CFAP46: variants seen among roughly 807,000 people sequenced by gnomAD.
CFAP46 encodes the protein cilia and flagella associated protein 46.
Under a neutral mutation model 325.7 loss-of-function variants are expected in CFAP46, and 245 were observed. That is an observed-to-expected ratio of 0.75 (90% CI 0.68 to 0.84). The LOEUF (loss-of-function observed/expected upper bound fraction) is 0.84. CFAP46 is among the 40% of genes least tolerant of loss of function. The pLI is 0.00. For synonymous variants in CFAP46, 1,523 were observed against 1,495.9 expected, an observed-to-expected ratio of 1.02 and a Z score of -0.42; for missense variants, 3,346 against 3,543.0, an observed-to-expected ratio of 0.94 and a Z score of 1.41.
At chr10:132,824,439 TGTGCTG>T (rs1847986669) in intron 50 of CFAP46, among the ~76,000 whole-genome samples, 1 of 122,210 alleles carries the variant, frequency 8.2e-6, no homozygotes. Context: ...ATGTGTGCTG[TGTGCTG>T]ATGTGTGCTG....
chr10:132,929,861 T>A, intron 8 of CFAP46, 57 bp from the exon 9 acceptor site: 1 of 1,287,464 alleles, frequency 7.8e-7, no homozygotes, highest in South Asian at 1.3e-5. Flanking sequence ...GAAACATGGC[T>A]GCAGGCGAGA....
intron 50 of CFAP46, among the ~76,000 whole-genome samples, chr10:132,823,912 CTGA>C (rs1160790966): frequency 4.1e-5 from 5 of 123,034 alleles, no homozygotes; most frequent in East Asian, 5.5e-4. Context: ...TGTGTGAGCG[CTGA>C]TGTGTGTGTG....
chr10:132,942,425 C>T lies in CFAP46; in HGVS notation c.49+11G>A, dbSNP rs1447016687. Reference sequence around the variant, plus strand: ...TCCCCGGGGCGGGGGTCGTGGCGGGCCTGGGGTCACCTTGCTGGCTCTCGG... The same window carrying T: ...TCCCCGGGGCGGGGGTCGTGGCGGGTCTGGGGTCACCTTGCTGGCTCTCGG... On this transcript the variant is annotated intron_variant, in intron 1 of 57. Coordinates refer to ENST00000368586, the MANE Select transcript of CFAP46 (RefSeq NM_001200049.3). 2.6e-6 allele frequency: 3 copies of T among 1,164,152 alleles called. No homozygotes were observed. Among genetic ancestry groups the T allele is most frequent in the Admixed American group, 6.7e-5 (1 of 15,036 alleles). 72.1% of individuals were successfully genotyped at this position (1,164,152 alleles called of 1,614,324 possible).
rs1252730842 is a variant in CFAP46 at position 132,843,798 on chromosome 10, GGT to G, written c.6438+2257_6438+2258del. 6.8e-3 allele frequency among the ~76,000 whole-genome samples: 647 copies of G among 95,076 alleles called. 11 individuals are homozygous for G. The highest frequency in any genetic ancestry group is 8.6e-3 in the Non-Finnish European group (379 of 43,986). 62.4% of individuals were successfully genotyped at this position (95,076 alleles called of 152,430 possible). A position where few individuals can be genotyped will look rare whatever the true frequency, so the allele number is the denominator to read the frequency against. Reference sequence around the variant, plus strand: ...TGTTCCCAGGGTGCTGTGGGGCTCTGGTCTCGGTGGGTGTTCCCAGGGTGCTG... The same window carrying G: ...TGTTCCCAGGGTGCTGTGGGGCTCTGCTCGGTGGGTGTTCCCAGGGTGCTG... On this transcript the variant is annotated intron_variant, in intron 44 of 57. Transcript: ENST00000368586.
At chr10:132,925,123 C>A (rs1849790719) in intron 10 of CFAP46, among the ~76,000 whole-genome samples, 1 of 152,358 alleles carries the variant, frequency 6.6e-6, no homozygotes, top group East Asian at 1.9e-4. Context: ...GTGGCTGCGC[C>A]CGCCTCCCCC....
chr10:132,899,402 G>A (rs373113823), intron 23 of CFAP46, 133 bp downstream of exon 23: 41 of 1,293,874 alleles, frequency 3.2e-5, no homozygotes, highest in Middle Eastern at 2.7e-4. Context: ...TGAACTGGCC[G>A]CACCGGCCAC....
chr10:132,818,783 G>A (rs1211266478), intron 50 of CFAP46, among the ~76,000 whole-genome samples: 1 of 151,616 alleles, frequency 6.6e-6, no homozygotes, highest in Non-Finnish European at 1.5e-5. Flanking sequence ...AACCTGGGAG[G>A]CTCAAGGTTG....
intron 43 of CFAP46, 35 bp from the exon 44 acceptor site, chr10:132,846,262 G>A (rs12260141): frequency 4.4e-6 from 7 of 1,601,272 alleles, no homozygotes; most frequent in East Asian, 2.2e-5. Context: ...CCAGGGGCCC[G>A]AGGCCTGGGC....
chr10:132,847,107 C>A lies in CFAP46; in HGVS notation c.6092G>T (p.Arg2031Met), dbSNP rs1378332220. 1 of 1,610,422 alleles carries A rather than the reference C, an allele frequency of 6.2e-7. No homozygotes were observed. The highest frequency in any genetic ancestry group is 8.5e-7 in the Non-Finnish European group (1 of 1,178,892). The change falls in exon 43 of 58, where the codon AGG (arginine) becomes ATG (methionine). Residue 2031 changes from arginine to methionine, a missense_variant. Arg to Met is a moderately conservative substitution (Grantham distance 91). Coordinates refer to ENST00000368586, the MANE Select transcript of CFAP46 (RefSeq NM_001200049.3). This position sits in a 1 kb window ranked among gnomAD's most constrained non-coding sequence, Gnocchi z 5.2. ...HCRRGEDLKRRMVLAQQYLAQ... is the reference protein window; with the variant it reads ...HCRRGEDLKRMMVLAQQYLAQ... ...CAGGTACTGCTGGGCCAGAACCATC[C>A]TCCTCTGTGGGGCACAAGGCTCAGG...
chr10:132,824,683 G>GTT (rs1847997550), intron 50 of CFAP46, among the ~76,000 whole-genome samples: 1 of 105,546 alleles, frequency 9.5e-6, no homozygotes, highest in Non-Finnish European at 1.9e-5. Context: ...GTGTGCTGAT[G>GTT]TGTGCTGTGT....
Position 132,828,090 on chromosome 10 carries a change from G to A in CFAP46, c.7117+5268C>T, listed in dbSNP as rs1330574877. On this transcript the variant is annotated intron_variant, in intron 50 of 57. Coordinates refer to ENST00000368586, the MANE Select transcript of CFAP46 (RefSeq NM_001200049.3). The surrounding 1 kb of genome is among the most constrained non-coding windows in gnomAD (Gnocchi z 4.9). ...CCAATGTGCTCATCGCCCACTGGGT[G>A]TCCAGGTGTCCGTCCTGTGGGTGAT... Among the ~76,000 whole-genome samples the A allele has an allele frequency of 6.6e-6, 1 of 152,244 alleles. No individual in the cohort carries two copies. Among genetic ancestry groups the A allele is most frequent in the Non-Finnish European group, 1.5e-5 (1 of 68,042 alleles).
intron 27 of CFAP46, among the ~76,000 whole-genome samples, chr10:132,883,682 C>T (rs1488675945): frequency 6.6e-6 from 1 of 152,256 alleles, no homozygotes; most frequent in Non-Finnish European, 1.5e-5. Flanking sequence ...CCACAGCATT[C>T]CTCACAGCAG....
Position 132,922,203 on chromosome 10 carries a change from C to G in CFAP46, c.1507G>C (p.Asp503His), listed in dbSNP as rs1406289137. 5.8e-6 allele frequency: 9 copies of G among 1,550,232 alleles called. No homozygotes were observed. In the Admixed American group the frequency reaches 1.6e-4, roughly 27 times the overall value. The change falls in exon 13 of 58, where the codon GAC (aspartate) becomes CAC (histidine). Residue 503 changes from aspartate to histidine, a missense_variant. By Grantham distance (81) the Asp-to-His change is moderately conservative. Transcript: ENST00000368586. ...VEQAKKATPK[D>H]SVRKKRALLV... Reference sequence around the variant, plus strand: ...AGGGCCCGCTTCTTCCTGACGCTGTCCTTTGGTGTAGCTTTTTTTGCCTGT... The same window carrying G: ...AGGGCCCGCTTCTTCCTGACGCTGTGCTTTGGTGTAGCTTTTTTTGCCTGT...
intron 33 of CFAP46, among the ~76,000 whole-genome samples, 176 bp from the exon 34 acceptor site, chr10:132,867,683 G>A (rs753250616): frequency 2.0e-5 from 3 of 152,172 alleles, no homozygotes; most frequent in Non-Finnish European, 4.4e-5. Flanking sequence ...CCAAATTTGT[G>A]TCCATCACTG....
chr10:132,922,470 G>A lies in CFAP46; in HGVS notation c.1485+10C>T, dbSNP rs1178067251. 2.3e-5 allele frequency: 35 copies of A among 1,525,518 alleles called. No homozygotes were observed. Among genetic ancestry groups the A allele is most frequent in the South Asian group, 6.0e-5 (5 of 83,190 alleles). 94.5% of individuals were successfully genotyped at this position (1,525,518 alleles called of 1,614,324 possible). ...AGCACCCAGCCTCCCTCACTTCCCC[G>A]GGGCGGCACCTGCTCAACGGCCATG... is the stretch of plus-strand genomic sequence containing the variant. On this transcript the variant is annotated intron_variant, in intron 12 of 57. Coordinates refer to ENST00000368586, the MANE Select transcript of CFAP46 (RefSeq NM_001200049.3).
intron 11 of CFAP46, 126 bp from the exon 12 acceptor site, chr10:132,922,834 C>T (rs1039141596): frequency 1.4e-6 from 1 of 728,516 alleles, no homozygotes; most frequent in African/African-American, 1.8e-5. Flanking sequence ...CCCGGTGCCC[C>T]TGGCTTTCTG....
intron 34 of CFAP46, among the ~76,000 whole-genome samples, chr10:132,866,916 C>T (rs1014497210): frequency 2.4e-4 from 36 of 152,206 alleles, no homozygotes; most frequent in African/African-American, 7.7e-4. Flanking sequence ...GTCAGATGAC[C>T]GGGACCTCCA....
intron 32 of CFAP46, among the ~76,000 whole-genome samples, chr10:132,872,001 C>T (rs1848901253): frequency 6.6e-6 from 1 of 152,176 alleles, no homozygotes; most frequent in South Asian, 2.1e-4. Context: ...ATTTTTAGTA[C>T]ATACATTTTA....
Position 132,867,270 on chromosome 10 carries a change from C to T in CFAP46, c.4743+105G>A, listed in dbSNP as rs903436153. On this transcript the variant is annotated intron_variant, in intron 34 of 57. Transcript: ENST00000368586. ...CCCAGGCCGGCCCCTCACACACTGA[C>T]ACACACACAGGCCGGCCGCCTGGCT... 2.2e-6 allele frequency: 3 copies of T among 1,355,306 alleles called. No individual in the cohort carries two copies. In the East Asian group the frequency reaches 7.6e-5, roughly 34 times the overall value. 84.0% of individuals were successfully genotyped at this position (1,355,306 alleles called of 1,614,324 possible). A position where few individuals can be genotyped will look rare whatever the true frequency, so the allele number is the denominator to read the frequency against.
Sources: gnomAD v4.1 joint callset for allele counts (sites outside exome capture counted in the v4.1 genomes callset) on GRCh38, gnomAD v4.1.1 for gene constraint, Gnocchi (gnomAD v3.1) non-coding constraint, MANE v1.5 for transcripts, NCBI Gene and HGNC (gene_info 2026-07-23, HGNC 2026-07-21) for gene names.